Variants in KIAA1671 observed in about 807,000 individuals in gnomAD.
The protein encoded by KIAA1671 is uncharacterized protein KIAA1671.
KIAA1671 carries 52 observed loss-of-function variants against 131.2 expected under a neutral mutation model. The observed-to-expected ratio is 0.40, with a 90% confidence interval of 0.32 to 0.50. KIAA1671 has a LOEUF of 0.50. KIAA1671 is among the 20% of genes least tolerant of loss of function. KIAA1671 has a pLI of 0.73. For synonymous variants in KIAA1671, 1,003 were observed against 961.6 expected (o/e 1.04, Z -0.80); for missense variants, 2,360 against 2,364.2 (o/e 1.00, Z 0.04).
chr22:25,093,776 C>G (rs1033018286), intron 6 of KIAA1671, among the ~76,000 whole-genome samples: 55 of 109,528 alleles, frequency 5.0e-4, no homozygotes, highest in African/African-American at 1.5e-3. Flanking sequence ...CTGTCTCTCT[C>G]TCTCTCTCTC....
intron 6 of KIAA1671, among the ~76,000 whole-genome samples, chr22:25,089,554 A>G (rs1475132423): frequency 6.6e-6 from 1 of 152,100 alleles, no homozygotes; most frequent in Non-Finnish European, 1.5e-5. Context: ...GATTACAGGA[A>G]TAAGCCACCG....
chr22:25,014,867 C>T (rs553647520), intron 1 of KIAA1671: 2 of 152,224 alleles, frequency 1.3e-5, no homozygotes, highest in South Asian at 4.1e-4. Flanking sequence ...GGGGGAAGTC[C>T]AGTCTCTCAG....
intron 1 of KIAA1671, among the ~76,000 whole-genome samples, chr22:24,964,829 A>G (rs73410609): frequency 3.3e-5 from 5 of 152,114 alleles, no homozygotes; most frequent in African/African-American, 1.2e-4. Context: ...GGAATGGGGA[A>G]TGTGGATCCA....
chr22:25,193,620 C>A lies in KIAA1671; in HGVS notation c.*1219C>A, dbSNP rs1458665490. On this transcript the variant is annotated 3_prime_UTR_variant, in exon 13 of 13. Coordinates refer to ENST00000358431, the MANE Select transcript of KIAA1671 (RefSeq NM_001145206.2). ...GTCTCTCTGTCTCAGCTTCCTCCCT[C>A]ATCTTCCTTTACCCCTCTTCTCTGT... 1 of 152,338 alleles carries A rather than the reference C, an allele frequency of 6.6e-6. No homozygotes were observed. Among genetic ancestry groups the A allele is most frequent in the African/African-American group, 2.4e-5 (1 of 41,466 alleles). 9.4% of individuals were successfully genotyped at this position (152,338 alleles called of 1,614,324 possible). A position where few individuals can be genotyped will look rare whatever the true frequency, so the allele number is the denominator to read the frequency against.
chr22:25,039,826 C>A lies in KIAA1671; in HGVS notation c.2696C>A (p.Ala899Glu). The A allele has an allele frequency of 6.5e-7, 1 of 1,538,898 alleles. No homozygotes were observed. The highest frequency in any genetic ancestry group is 1.2e-5 in the South Asian group (1 of 82,544). The change falls in exon 5 of 13, where the codon GCA becomes GAA. Residue 899 changes from alanine (A) to glutamate (E), a missense_variant. Physicochemically the swap from Ala to Glu is moderately radical, Grantham distance 107. This residue lies in a region of KIAA1671 where 1,161 missense variants were observed against 1,204.7 expected (regional missense o/e 0.96). Transcript: ENST00000358431. ...RATNGPSDSQARTHPDAFAVQ... is the reference protein window; with the variant it reads ...RATNGPSDSQERTHPDAFAVQ... Reference sequence around the variant, plus strand: ...ACGAATGGGCCTTCTGACTCCCAAGCACGAACACATCCAGATGCATTTGCT... The same window carrying A: ...ACGAATGGGCCTTCTGACTCCCAAGAACGAACACATCCAGATGCATTTGCT...
intron 5 of KIAA1671, among the ~76,000 whole-genome samples, 155 bp downstream of exon 5, chr22:25,041,680 A>C (rs201091115): frequency 6.6e-6 from 1 of 152,168 alleles, no homozygotes; most frequent in Non-Finnish European, 1.5e-5. Context: ...GATTGTGGCA[A>C]ATGGAGAGCT....
intron 6 of KIAA1671, among the ~76,000 whole-genome samples, chr22:25,088,147 G>A (rs536212914): frequency 6.8e-5 from 10 of 147,828 alleles, no homozygotes; most frequent in Admixed American, 1.4e-4. Flanking sequence ...TCACCCCGTC[G>A]CCCAGGCTGG....
intron 6 of KIAA1671, among the ~76,000 whole-genome samples, chr22:25,108,366 G>A (rs1328412369): frequency 6.6e-6 from 1 of 152,204 alleles, no homozygotes; most frequent in African/African-American, 2.4e-5. Context: ...CCAGCGGGGA[G>A]GACTCAGCTC....
chr22:25,172,407 T>TA (rs1933882006), intron 7 of KIAA1671, among the ~76,000 whole-genome samples: 1 of 152,210 alleles, frequency 6.6e-6, no homozygotes, highest in South Asian at 2.1e-4. Flanking sequence ...TCAGTGCTGT[T>TA]ACCTTCATCC....
chr22:25,173,771 C>G (rs539144659), intron 7 of KIAA1671, among the ~76,000 whole-genome samples: 2 of 152,286 alleles, frequency 1.3e-5, no homozygotes, highest in African/African-American at 4.8e-5. Flanking sequence ...AAAATACTAT[C>G]ATTTCCACAT....
At chr22:25,012,222 A>C (rs5996811) in intron 1 of KIAA1671, 30,502 of 151,606 alleles carry the variant, frequency 0.2, 3,245 homozygotes, top group East Asian at 0.45. Context: ...TACTGTATCC[A>C]CGTAACCCTT....
At chr22:25,074,601 A>C (rs1236874468) in intron 6 of KIAA1671, among the ~76,000 whole-genome samples, 1 of 148,144 alleles carries the variant, frequency 6.8e-6, no homozygotes, top group East Asian at 1.9e-4. Flanking sequence ...GTGTATATAT[A>C]TATATGGAAA....
chr22:25,093,727 ACACACACACACTCTCTCTCT>A (rs1930151626), intron 6 of KIAA1671, among the ~76,000 whole-genome samples: 2 of 61,280 alleles, frequency 3.3e-5, no homozygotes, highest in Non-Finnish European at 6.0e-5. Flanking sequence ...ACACACACAC[ACACACACACACTCTCTCTCT>A]CTCTCTCTCT....
chr22:25,101,389 A>G (rs1930660134), intron 6 of KIAA1671, among the ~76,000 whole-genome samples: 3 of 152,338 alleles, frequency 2.0e-5, no homozygotes, highest in East Asian at 3.9e-4. Flanking sequence ...TCTCCACAGC[A>G]TGGAAAACGC....
intron 1 of KIAA1671, among the ~76,000 whole-genome samples, chr22:24,997,530 C>CT (rs1924202485): frequency 6.6e-6 from 1 of 151,952 alleles, no homozygotes; most frequent in Non-Finnish European, 1.5e-5. Context: ...GGAAAGGGTG[C>CT]TGGTATAGGG....
chr22:25,003,311 ATAC>A (rs1924571739), intron 1 of KIAA1671, among the ~76,000 whole-genome samples: 1 of 152,196 alleles, frequency 6.6e-6, no homozygotes, highest in South Asian at 2.1e-4. Flanking sequence ...CCAAACACAA[ATAC>A]TTATCTTGTT....
At chr22:25,192,048 A>G (rs1934687011) in intron 12 of KIAA1671, among the ~76,000 whole-genome samples, 1 of 152,184 alleles carries the variant, frequency 6.6e-6, no homozygotes, top group African/African-American at 2.4e-5. Flanking sequence ...ATTCCCAAAT[A>G]AAACTATGCT....
chr22:25,194,923 C>G lies in KIAA1671; in HGVS notation c.*2522C>G, dbSNP rs776460811. 16 of 152,172 alleles carry G rather than the reference C, an allele frequency of 1.1e-4. No individual in the cohort carries two copies. Among genetic ancestry groups the G allele is most frequent in the Non-Finnish European group, 2.2e-4 (15 of 68,032 alleles). 9.4% of individuals were successfully genotyped at this position (152,172 alleles called of 1,614,324 possible). On this transcript the variant is annotated 3_prime_UTR_variant, in exon 13 of 13. Coordinates refer to ENST00000358431, the MANE Select transcript of KIAA1671 (RefSeq NM_001145206.2). ...CTGGGCAAATGGGTGATTTACTTAT[C>G]CCCATTCTAAATGGAGTGAGCTCTC...
intron 1 of KIAA1671, among the ~76,000 whole-genome samples, chr22:24,982,607 C>T (rs1046974927): frequency 5.4e-4 from 83 of 152,324 alleles, no homozygotes; most frequent in Non-Finnish European, 2.5e-4. Context: ...TGGTCACTGG[C>T]ATTTGCCCTG....
Sources: gnomAD v4.1 joint callset for allele counts (sites outside exome capture counted in the v4.1 genomes callset) on GRCh38, gnomAD v4.1.1 for gene constraint, gnomAD v4.1.1 regional missense constraint, MANE v1.5 for transcripts, NCBI Gene and HGNC (gene_info 2026-07-23, HGNC 2026-07-21) for gene names.